Variants in ZNF239 observed in about 807,000 individuals in gnomAD.
The protein encoded by ZNF239 is zinc finger protein 239.
ZNF239 carries 16 observed loss-of-function variants against 27.5 expected under a neutral mutation model. The ratio of observed to expected loss-of-function variants is 0.58; its 90% CI spans 0.39 to 0.88. The LOEUF is 0.88. Among genes scored for constraint, ZNF239 ranks in the 40% least tolerant of loss-of-function variants. The pLI, the probability that ZNF239 is intolerant of heterozygous loss-of-function variation, is 0.00. For synonymous variants in ZNF239, 199 were observed against 192.6 expected, an observed-to-expected ratio of 1.03 and a Z score of -0.27; for missense variants, 527 against 551.9, an observed-to-expected ratio of 0.95 and a Z score of 0.45.
At chr10:43,566,088 G>A (rs368660806) in intron 3 of ZNF239, among the ~76,000 whole-genome samples, 18 of 152,286 alleles carry the variant, frequency 1.2e-4, no homozygotes, top group African/African-American at 4.3e-4. Flanking sequence ...ACAGAGCACA[G>A]GCACTGGGTT....
chr10:43,568,227 C>T, intron 2 of ZNF239: 1 of 985,494 alleles, frequency 1.0e-6, no homozygotes, highest in Non-Finnish European at 1.2e-6. Flanking sequence ...CATTTCCCTC[C>T]TGCCCACAAC....
In ZNF239 at chr10:43,557,546, G is replaced by A. The variant is rs193102477; in HGVS notation, c.534C>T (p.Pro178=). ...SQQRAHTEEK[P]CDHNNCGKIL... ...TTTTCCCACAGTTATTATGGTCACA[G>A]GGTTTCTCCTCTGTATGAGCTCTCT... Residue 178 remains proline (P), a synonymous_variant, in exon 4 of 4, where the codon CCC becomes CCT. Transcript: ENST00000374446. 1 of 1,614,146 alleles carries A rather than the reference G, an allele frequency of 6.2e-7. No homozygotes were observed. Among genetic ancestry groups the A allele is most frequent in the African/African-American group, 1.3e-5 (1 of 75,054 alleles).
chr10:43,569,603 T>C (rs1441791507), intron 2 of ZNF239, among the ~76,000 whole-genome samples: 4 of 152,210 alleles, frequency 2.6e-5, no homozygotes, highest in Admixed American at 6.5e-5. Context: ...AGTCCAACTG[T>C]TGCCTCTTCA....
chr10:43,568,869 G>C (rs565564525), intron 2 of ZNF239, among the ~76,000 whole-genome samples: 2 of 152,158 alleles, frequency 1.3e-5, no homozygotes, highest in African/African-American at 4.8e-5. Context: ...GGCCAACATG[G>C]TGAAACCTCG....
At chr10:43,564,219 A>G in intron 3 of ZNF239, 1 of 881,392 alleles carries the variant, frequency 1.1e-6, no homozygotes, top group South Asian at 5.2e-5. Flanking sequence ...CACATACACA[A>G]CCCGCATTCC....
In ZNF239 at chr10:43,557,260, T is replaced by G. The variant is rs777187040; in HGVS notation, c.820A>C (p.Arg274=). 7 of 1,608,832 alleles carry G rather than the reference T, an allele frequency of 4.4e-6. No individual in the cohort carries two copies. In the East Asian group the frequency reaches 1.1e-4, roughly 26 times the overall value. ...TGATGGATGAGCAGACTTGAGCTCC[T>G]GGTGAAGCCCTTCCCACACTTGTCA... ...KCDKCGKGFT[R]SSSLLIHHAV... is the part of the protein sequence containing the mutation. The change falls in exon 4 of 4, where the codon AGG becomes CGG. Residue 274 remains arginine, a synonymous_variant. Coordinates refer to ENST00000374446, the MANE Select transcript of ZNF239 (RefSeq NM_001099282.2).
chr10:43,566,574 C>G (rs1294508150), intron 3 of ZNF239, among the ~76,000 whole-genome samples: 1 of 152,234 alleles, frequency 6.6e-6, no homozygotes, highest in African/African-American at 2.4e-5. Context: ...GCATGAGCCA[C>G]TGTGCCCAGC....
At chr10:43,564,730 T>G (rs1837512928) in intron 3 of ZNF239, among the ~76,000 whole-genome samples, 1 of 152,032 alleles carries the variant, frequency 6.6e-6, no homozygotes, top group African/African-American at 2.4e-5. Context: ...GGTTTTGCCA[T>G]GTTGCCCAGG....
In ZNF239 at chr10:43,557,315, T is replaced by G; in HGVS notation, c.765A>C (p.Ala255=). The stretch of plus-strand genomic sequence containing the variant: ...TATAAGGCTTCTCATCTGTGTGGAC[T>G]GCCTGATGGATAAGCAGACTCGAGC... ...TRSSSLLIHQ[A]VHTDEKPYKC... The change falls in exon 4 of 4, where the codon GCA becomes GCC. Residue 255 remains alanine, a synonymous_variant. Transcript: ENST00000374446. 1.2e-6 allele frequency: 2 copies of G among 1,613,928 alleles called. No homozygotes were observed. Among genetic ancestry groups the G allele is most frequent in the South Asian group, 1.1e-5 (1 of 91,072 alleles).
chr10:43,568,304 G>A (rs1837816746), intron 2 of ZNF239: 2 of 985,246 alleles, frequency 2.0e-6, no homozygotes, highest in South Asian at 4.7e-5. Context: ...TCATTGCTGA[G>A]TTGTCATCTT....
chr10:43,567,536 T>C (rs1259161536), intron 3 of ZNF239, among the ~76,000 whole-genome samples: 6 of 152,136 alleles, frequency 3.9e-5, no homozygotes, highest in African/African-American at 7.2e-5. Flanking sequence ...TCCTGGAACG[T>C]TGAAAAAGGG....
Position 43,556,698 on chromosome 10 carries a change from G to A in ZNF239, c.*5C>T. The A allele has an allele frequency of 3.1e-6, 5 of 1,611,032 alleles. No homozygotes were observed. Among genetic ancestry groups the A allele is most frequent in the South Asian group, 2.2e-5 (2 of 90,872 alleles). On this transcript the variant is annotated 3_prime_UTR_variant, in exon 4 of 4. Transcript: ENST00000374446. Reference sequence around the variant, plus strand: ...GCTGTGAAGACCTGAATGGGCTAATGTCAGTTAGCGAGGATCTTTCTTGTG... The same window carrying A: ...GCTGTGAAGACCTGAATGGGCTAATATCAGTTAGCGAGGATCTTTCTTGTG...
rs1836741510 is a variant in ZNF239, at chr10:43,556,420, A to G, written c.*283T>C. ...ACATGCCCTGCTTGAGAATAAATAT[A>G]AAGTTCTTGCCGTTAAAATGCTGGG... On this transcript the variant is annotated 3_prime_UTR_variant, in exon 4 of 4. Coordinates refer to ENST00000374446, the MANE Select transcript of ZNF239 (RefSeq NM_001099282.2). 5.8e-6 allele frequency: 2 copies of G among 347,342 alleles called. No individual in the cohort carries two copies. 21.5% of individuals were successfully genotyped at this position (347,342 alleles called of 1,614,324 possible). A position where few individuals can be genotyped will look rare whatever the true frequency, so the allele number is the denominator to read the frequency against.
At chr10:43,572,864 T>C (rs1838121297) in intron 2 of ZNF239, among the ~76,000 whole-genome samples, 1 of 152,238 alleles carries the variant, frequency 6.6e-6, no homozygotes, top group Non-Finnish European at 1.5e-5. Context: ...AACAGTTAAA[T>C]ATGTAGACAT....
At chr10:43,573,301 C>T (rs1838148234) in intron 2 of ZNF239, among the ~76,000 whole-genome samples, 1 of 152,202 alleles carries the variant, frequency 6.6e-6, no homozygotes, top group African/African-American at 2.4e-5. Context: ...GCTGAGACCA[C>T]TTAGCACTGG....
intron 3 of ZNF239, among the ~76,000 whole-genome samples, chr10:43,563,444 A>G (rs917755459): frequency 2.0e-5 from 3 of 152,240 alleles, no homozygotes; most frequent in Non-Finnish European, 4.4e-5. Context: ...ATACTGCATA[A>G]AACAGCACAT....
In ZNF239 at chr10:43,557,367, T is replaced by C; in HGVS notation, c.713A>G (p.Glu238Gly). ...DHTEEKPYKC[E>G]QCGKGFTRSS... The stretch of plus-strand genomic sequence containing the variant: ...CCTTGTGAAGCCCTTCCCACATTGC[T>C]CACATTTGTAGGGTTTTTCTTCTGT... Residue 238 changes from glutamate (E) to glycine (G), a missense_variant, in exon 4 of 4, where the codon GAG (glutamate) becomes GGG (glycine). By Grantham distance (98) the Glu-to-Gly change is moderately conservative. Coordinates refer to ENST00000374446, the MANE Select transcript of ZNF239 (RefSeq NM_001099282.2). The C allele has an allele frequency of 6.2e-7, 1 of 1,614,226 alleles. No homozygotes were observed. Among genetic ancestry groups the C allele is most frequent in the Non-Finnish European group, 8.5e-7 (1 of 1,180,042 alleles).
chr10:43,558,343 A>G (rs1305968447), intron 3 of ZNF239, among the ~76,000 whole-genome samples, 172 bp from the exon 4 acceptor site: 1 of 152,142 alleles, frequency 6.6e-6, no homozygotes, highest in African/African-American at 2.4e-5. Flanking sequence ...CAAGACAGAA[A>G]TTTTCTCTTG....
intron 2 of ZNF239, chr10:43,570,474 T>C: frequency 1.0e-6 from 1 of 985,180 alleles, no homozygotes; most frequent in Non-Finnish European, 1.2e-6. Flanking sequence ...TTTCTTTCTG[T>C]TTAAGGCTAA....
Sources: gnomAD v4.1 joint callset for allele counts (sites outside exome capture counted in the v4.1 genomes callset) on GRCh38, gnomAD v4.1.1 for gene constraint, MANE v1.5 for transcripts, NCBI Gene and HGNC (gene_info 2026-07-23, HGNC 2026-07-21) for gene names.